Variants in ESRRG observed in about 807,000 individuals in gnomAD.
ESRRG encodes estrogen-related receptor gamma.
ESRRG carries 13 observed loss-of-function variants against 44.0 expected under a neutral mutation model. The observed-to-expected ratio is 0.30, with a 90% CI of 0.19 to 0.47. The LOEUF (loss-of-function observed/expected upper bound fraction) is 0.47. Ranked by LOEUF, ESRRG falls within the 20% of genes least tolerant of loss-of-function variation. ESRRG has a pLI of 1.00. For synonymous variants in ESRRG, 215 were observed against 214.6 expected (o/e 1.00, Z -0.02); for missense variants, 395 against 580.6 (o/e 0.68, Z 3.29).
At chr1:217,037,760 G>A (rs909389402) in intron 1 of ESRRG, among the ~76,000 whole-genome samples, 9 of 152,102 alleles carry the variant, frequency 5.9e-5, no homozygotes, top group Admixed American at 1.3e-4. Context: ...TCCACCAAGA[G>A]CCTGTAAAAT....
chr1:217,099,387 A>T (rs1002417145), intron 1 of ESRRG, among the ~76,000 whole-genome samples: 6 of 152,230 alleles, frequency 3.9e-5, no homozygotes, highest in Non-Finnish European at 7.3e-5. Flanking sequence ...AAAAAAAAAA[A>T]AAAAGTCAAG....
At chr1:216,558,541 A>T (rs1257133565) in intron 5 of ESRRG, among the ~76,000 whole-genome samples, 1 of 152,138 alleles carries the variant, frequency 6.6e-6, no homozygotes, top group Non-Finnish European at 1.5e-5. Flanking sequence ...TTGTAATGAC[A>T]ATCTATGGCA....
chr1:216,509,564 A>G (rs2042135552), intron 6 of ESRRG, among the ~76,000 whole-genome samples: 1 of 152,156 alleles, frequency 6.6e-6, no homozygotes, highest in South Asian at 2.1e-4. Flanking sequence ...AGCAGGAGAT[A>G]TATTATAGGA....
intron 1 of ESRRG, among the ~76,000 whole-genome samples, chr1:217,113,295 G>A (rs1176516576): frequency 6.6e-6 from 1 of 152,158 alleles, no homozygotes; most frequent in Non-Finnish European, 1.5e-5. Context: ...CCTAATCAAG[G>A]AACTGGCAAC....
At chr1:216,600,666 A>C (rs1266044108) in intron 3 of ESRRG, among the ~76,000 whole-genome samples, 2 of 151,050 alleles carry the variant, frequency 1.3e-5, no homozygotes, top group African/African-American at 4.9e-5. Context: ...TAAAGTCTTA[A>C]AAAAAAATCC....
intron 3 of ESRRG, among the ~76,000 whole-genome samples, chr1:216,577,407 C>T (rs945779146): frequency 1.3e-5 from 2 of 152,008 alleles, no homozygotes; most frequent in Non-Finnish European, 2.9e-5. Flanking sequence ...ATTGCTTTCT[C>T]ATATGAATAA....
chr1:216,530,749 T>C (rs1247132714), intron 5 of ESRRG, among the ~76,000 whole-genome samples: 1 of 152,208 alleles, frequency 6.6e-6, no homozygotes, highest in Non-Finnish European at 1.5e-5. Flanking sequence ...AAATTGCTTA[T>C]AATTTCTGTA....
At chr1:216,770,421 C>T (rs574493692) in intron 2 of ESRRG, among the ~76,000 whole-genome samples, 1 of 152,196 alleles carries the variant, frequency 6.6e-6, no homozygotes, top group East Asian at 1.9e-4. Context: ...GTTTGCATCT[C>T]TTCACCAGTA....
chr1:217,049,406 G>A (rs905891030), intron 1 of ESRRG, among the ~76,000 whole-genome samples: 7 of 152,154 alleles, frequency 4.6e-5, no homozygotes, highest in Non-Finnish European at 4.4e-5. Context: ...GGTAATTGCT[G>A]ACTTATGAGA....
intron 2 of ESRRG, among the ~76,000 whole-genome samples, chr1:216,780,269 T>C (rs1450317024): frequency 6.6e-6 from 1 of 151,962 alleles, no homozygotes. Context: ...AAGCTGCTTT[T>C]AAAGGAGTAC....
chr1:216,706,725 T>A (rs1051131648), intron 1 of ESRRG, among the ~76,000 whole-genome samples: 1 of 152,258 alleles, frequency 6.6e-6, no homozygotes. Context: ...GGTGCCCTGA[T>A]ACCATGATTT....
At chr1:216,585,396 C>A (rs541224478) in intron 3 of ESRRG, among the ~76,000 whole-genome samples, 1 of 151,974 alleles carries the variant, frequency 6.6e-6, no homozygotes, top group South Asian at 2.1e-4. Context: ...TCATACCTTG[C>A]CTATTTAGAA....
intron 3 of ESRRG, among the ~76,000 whole-genome samples, chr1:216,638,359 G>C (rs1219071946): frequency 6.6e-6 from 1 of 151,314 alleles, no homozygotes; most frequent in African/African-American, 2.4e-5. Context: ...AAACCTGACA[G>C]TGAACTCTGA....
intron 1 of ESRRG, among the ~76,000 whole-genome samples, chr1:217,111,617 T>C (rs529394698): frequency 3.3e-5 from 5 of 152,012 alleles, no homozygotes; most frequent in Non-Finnish European, 7.4e-5. Flanking sequence ...TTTTCAAGAT[T>C]TCTCTGGATT....
chr1:216,922,480 A>C (rs768443653), intron 2 of ESRRG, among the ~76,000 whole-genome samples: 1 of 152,200 alleles, frequency 6.6e-6, no homozygotes, highest in Non-Finnish European at 1.5e-5. Context: ...CATTCTTTTC[A>C]TCAGGGTAGA....
chr1:217,045,188 G>T (rs1042659459), intron 1 of ESRRG, among the ~76,000 whole-genome samples: 9 of 152,162 alleles, frequency 5.9e-5, no homozygotes, highest in Non-Finnish European at 1.0e-4. Context: ...CACTCTTTGT[G>T]CATGTAGAGA....
At chr1:216,544,558 G>C (rs1455157573) in intron 5 of ESRRG, among the ~76,000 whole-genome samples, 3 of 151,910 alleles carry the variant, frequency 2.0e-5, no homozygotes, top group South Asian at 2.1e-4. Context: ...TTTCATGCAG[G>C]CTCCCTTACT....
intron 1 of ESRRG, among the ~76,000 whole-genome samples, chr1:217,010,523 C>T (rs1054967138): frequency 1.2e-4 from 18 of 152,194 alleles, no homozygotes; most frequent in South Asian, 1.0e-3. Flanking sequence ...TTGTGATTTG[C>T]GGGTGTATTT....
chr1:217,041,161 A>G (rs2083788897), intron 1 of ESRRG, among the ~76,000 whole-genome samples: 1 of 152,156 alleles, frequency 6.6e-6, no homozygotes. Context: ...TTTTTCATAA[A>G]AAAACACGAA....
Sources: allele counts gnomAD v4.1 joint callset (sites outside exome capture counted in the v4.1 genomes callset), GRCh38; gene constraint gnomAD v4.1.1; transcripts MANE v1.5; gene names NCBI Gene and HGNC (gene_info 2026-07-23, HGNC 2026-07-21).